HAP1: variants seen among roughly 807,000 people sequenced by gnomAD.
HAP1 encodes the protein huntingtin associated protein 1, also known as huntingtin-associated protein 1.
In HAP1, 59 loss-of-function variants were observed where a neutral mutation model predicts 60.3. That is an observed-to-expected ratio of 0.98 (90% confidence interval 0.79 to 1.22). The LOEUF is 1.22. HAP1 is among the 50% of genes most tolerant of loss of function. The pLI is 0.00. For missense variants in HAP1, 825 were observed against 785.3 expected (o/e 1.05, Z -0.60); for synonymous variants, 346 against 330.6 (o/e 1.05, Z -0.50).
intron 6 of HAP1, among the ~76,000 whole-genome samples, chr17:41,731,216 C>A (rs958842449): frequency 6.6e-6 from 1 of 152,138 alleles, no homozygotes; most frequent in Non-Finnish European, 1.5e-5. Flanking sequence ...TGGCCTGAGA[C>A]CCACAATTTC....
At chr17:41,732,640 C>G in intron 2 of HAP1, 79 bp downstream of exon 2, 1 of 1,263,540 alleles carries the variant, frequency 7.9e-7, no homozygotes, top group Non-Finnish European at 1.2e-6. Context: ...GACTGCCAAT[C>G]AGGAAATAAA....
intron 6 of HAP1, among the ~76,000 whole-genome samples, chr17:41,728,764 G>A (rs1466068060): frequency 2.0e-5 from 3 of 152,136 alleles, no homozygotes; most frequent in African/African-American, 7.2e-5. Context: ...AAAAACATGG[G>A]TCCAAGCTGA....
intron 6 of HAP1, among the ~76,000 whole-genome samples, chr17:41,729,536 G>T (rs68095095): frequency 3.0e-5 from 3 of 100,414 alleles, no homozygotes; most frequent in Admixed American, 1.1e-4. Flanking sequence ...GGTTACAGAG[G>T]GAGCCTCCTT....
chr17:41,733,772 C>T (rs1912458715), intron 1 of HAP1, among the ~76,000 whole-genome samples: 5 of 151,846 alleles, frequency 3.3e-5, no homozygotes, highest in Admixed American at 3.3e-4. Context: ...GCCCACCCAC[C>T]CCTCCATCGC....
rs1555588004 is a variant in HAP1, at chr17:41,724,513, G to A, written c.*188C>T. On this transcript the variant is annotated 3_prime_UTR_variant, in exon 11 of 11. Coordinates refer to ENST00000347901, the MANE Select transcript of HAP1 (RefSeq NM_177977.3). ...CCCTAACCCCCAGCCCAGCCCCCAG[G>A]AGAAAAGTGGATGGAGATCTGGAAT... 2 of 584,396 alleles carry A rather than the reference G, an allele frequency of 3.4e-6. No individual in the cohort carries two copies. Among genetic ancestry groups the A allele is most frequent in the East Asian group, 2.8e-5 (1 of 35,344 alleles). The allele number at this position is 584,396 out of a possible 1,614,324, so 36.2% of individuals were successfully genotyped here.
chr17:41,723,755 C>T lies in HAP1; in HGVS notation c.*946G>A, dbSNP rs1217077238. On this transcript the variant is annotated 3_prime_UTR_variant, in exon 11 of 11. Coordinates refer to ENST00000347901, the MANE Select transcript of HAP1 (RefSeq NM_177977.3). ...CCTGCTGAAGCCAGTGCTATTCCAC[C>T]CGGCAGTGACCAAAGGGCCATGAGA... 1 of 152,456 alleles carries T rather than the reference C, an allele frequency of 6.6e-6. No homozygotes were observed. The highest frequency in any genetic ancestry group is 2.4e-5 in the African/African-American group (1 of 41,444). The allele number at this position is 152,456 out of a possible 1,614,324, so 9.4% of individuals were successfully genotyped here.
At chr17:41,719,001 CAG>C (rs1345838386), downstream of HAP1, among the ~76,000 whole-genome samples, 3 of 152,092 alleles carry the variant, frequency 2.0e-5, no homozygotes, top group East Asian at 1.9e-4. Context: ...TTTTTTGAGA[CAG>C]AGTCTTGCTC....
In HAP1 at chr17:41,732,812, C is replaced by A. The variant is rs1555591481; in HGVS notation, c.470-14G>T. ...TAGGACACAGTGCTGCAGGAGGCGG[C>A]AGGTGGGGAGAAAAGGCCCAGCCAG... On this transcript the variant is annotated splice_polypyrimidine_tract_variant and intron_variant, in intron 1 of 10. Coordinates refer to ENST00000347901, the MANE Select transcript of HAP1 (RefSeq NM_177977.3). 6.5e-7 allele frequency: 1 copy of A among 1,535,674 alleles called. No individual in the cohort carries two copies. The highest frequency in any genetic ancestry group is 1.4e-5 in the African/African-American group (1 of 73,476).
chr17:41,728,808 G>A (rs964850644), intron 6 of HAP1, among the ~76,000 whole-genome samples: 2 of 152,196 alleles, frequency 1.3e-5, no homozygotes, highest in Non-Finnish European at 2.9e-5. Flanking sequence ...TAAGACACTG[G>A]GACGGGGAGG....
chr17:41,729,868 CAAAAAAAAAA>C (rs71155164), intron 6 of HAP1, among the ~76,000 whole-genome samples: 3 of 59,902 alleles, frequency 5.0e-5, no homozygotes, highest in East Asian at 4.4e-4. Context: ...GAGACTCCGT[CAAAAAAAAAA>C]AAAAAAAAAA....
Position 41,724,568 on chromosome 17 carries a change from G to A in HAP1, c.*133C>T. On this transcript the variant is annotated 3_prime_UTR_variant, in exon 11 of 11. Transcript: ENST00000347901. ...AGCAAATGCCACATAAATGAGCACT[G>A]ACACTACGGTTCCCACTGAAGGGGA... 1 of 690,604 alleles carries A rather than the reference G, an allele frequency of 1.4e-6. No individual in the cohort carries two copies. Among genetic ancestry groups the A allele is most frequent in the Non-Finnish European group, 2.5e-6 (1 of 398,356 alleles). The allele number at this position is 690,604 out of a possible 1,614,324, so 42.8% of individuals were successfully genotyped here. A position where few individuals can be genotyped will look rare whatever the true frequency, so the allele number is the denominator to read the frequency against.
intron 6 of HAP1, among the ~76,000 whole-genome samples, chr17:41,730,949 C>T (rs946396834): frequency 3.3e-5 from 5 of 150,890 alleles, no homozygotes; most frequent in East Asian, 1.9e-4. Flanking sequence ...CTTGCTCTGT[C>T]GCCCAGGCTG....
chr17:41,729,211 G>C (rs1241541925), intron 6 of HAP1, among the ~76,000 whole-genome samples: 1 of 150,962 alleles, frequency 6.6e-6, no homozygotes, highest in Non-Finnish European at 1.5e-5. Context: ...AAAGTGCTGG[G>C]ATTACAGGGG....
chr17:41,722,177 C>A (rs1342418753), downstream of HAP1: 1 of 152,534 alleles, frequency 6.6e-6, no homozygotes, highest in African/African-American at 2.4e-5. Flanking sequence ...TGCACCCAGC[C>A]TCCCCCAAAT....
chr17:41,724,364 G>T lies in HAP1; in HGVS notation c.*337C>A. 1.2e-5 allele frequency: 2 copies of T among 164,736 alleles called. No individual in the cohort carries two copies. Among genetic ancestry groups the T allele is most frequent in the African/African-American group, 2.4e-5 (1 of 41,726 alleles). 10.2% of individuals were successfully genotyped at this position (164,736 alleles called of 1,614,324 possible). A position where few individuals can be genotyped will look rare whatever the true frequency, so the allele number is the denominator to read the frequency against. On this transcript the variant is annotated 3_prime_UTR_variant, in exon 11 of 11. Coordinates refer to ENST00000347901, the MANE Select transcript of HAP1 (RefSeq NM_177977.3). ...ACCCACCGCCCCCCGTGTTTGTTTTGACTGCTGCTGCCACTGCTGCAGAGT... is the reference window on the plus strand; with the variant it reads ...ACCCACCGCCCCCCGTGTTTGTTTTTACTGCTGCTGCCACTGCTGCAGAGT...
At chr17:41,730,902 G>A (rs1912141700) in intron 6 of HAP1, among the ~76,000 whole-genome samples, 3 of 126,250 alleles carry the variant, frequency 2.4e-5, no homozygotes, top group Admixed American at 8.9e-5. Flanking sequence ...AGACAGGCTT[G>A]GAGGAGACCC....
Position 41,732,226 on chromosome 17 carries a change from T to C in HAP1, c.714+4A>G, listed in dbSNP as rs12945411. On this transcript the variant is annotated splice_donor_region_variant and intron_variant, in intron 3 of 10. Coordinates refer to ENST00000347901, the MANE Select transcript of HAP1 (RefSeq NM_177977.3). The stretch of plus-strand genomic sequence containing the variant: ...CCGCTATCCTCTCCTCCCCACCCGG[T>C]TACCTCCTCCTTGGCTGAGCCCAGC... The C allele has an allele frequency of 1.2e-6, 2 of 1,613,858 alleles. No individual in the cohort carries two copies. Among genetic ancestry groups the C allele is most frequent in the Non-Finnish European group, 1.7e-6 (2 of 1,179,942 alleles).
In HAP1 at chr17:41,725,681, CA is replaced by C. The variant is rs141521758; in HGVS notation, c.1406+177del. Among the ~76,000 whole-genome samples the C allele has an allele frequency of 7.0e-3, 1,067 of 152,278 alleles. 7 individuals carry two copies. Among genetic ancestry groups the C allele is most frequent in the Non-Finnish European group, 9.1e-3 (618 of 68,026 alleles). ...AGCTGCCTGGAATCAGACGGCCACC[CA>C]GGGGGCAAGATTTGAAGGAAAAGTG... On this transcript the variant is annotated intron_variant, in intron 10 of 10. Coordinates refer to ENST00000347901, the MANE Select transcript of HAP1 (RefSeq NM_177977.3).
intron 6 of HAP1, among the ~76,000 whole-genome samples, chr17:41,731,162 C>T (rs559409373): frequency 9.9e-4 from 151 of 152,294 alleles, no homozygotes; most frequent in Non-Finnish European, 1.6e-3. Flanking sequence ...CCGCCGGCCT[C>T]AGCCTCCCAA....
Sources: gnomAD v4.1 joint callset for allele counts (sites outside exome capture counted in the v4.1 genomes callset) on GRCh38, gnomAD v4.1.1 for gene constraint, MANE v1.5 for transcripts, NCBI Gene and HGNC (gene_info 2026-07-23, HGNC 2026-07-21) for gene names.